Variants in MYO1B observed in about 807,000 individuals in gnomAD.
The protein encoded by MYO1B is myosin IB.
A neutral mutation model predicts 159.7 loss-of-function variants in MYO1B; 72 were observed. The observed-to-expected ratio is 0.45, with a 90% CI of 0.37 to 0.55. The LOEUF is 0.55. Among genes scored for constraint, MYO1B ranks in the 20% least tolerant of loss-of-function variants. MYO1B has a pLI of 0.00. For missense variants in MYO1B, 1,062 were observed against 1,364.8 expected (o/e 0.78, Z 3.50); for synonymous variants, 468 against 473.8 (o/e 0.99, Z 0.16).
chr2:191,258,973 C>T (rs541489505), intron 1 of MYO1B, among the ~76,000 whole-genome samples: 92 of 152,296 alleles, frequency 6.0e-4, no homozygotes, highest in African/African-American at 2.1e-3. Context: ...TTCTGCAACT[C>T]GGATGGAGAA....
chr2:191,378,932 A>G (rs1694880495), intron 13 of MYO1B, among the ~76,000 whole-genome samples: 2 of 152,156 alleles, frequency 1.3e-5, no homozygotes, highest in African/African-American at 2.4e-5. Flanking sequence ...CTTTTTCCTG[A>G]TAATTTATAA....
At chr2:191,386,261 C>A (rs1381345649) in intron 16 of MYO1B, among the ~76,000 whole-genome samples, 177 bp downstream of exon 16, 2 of 152,168 alleles carry the variant, frequency 1.3e-5, no homozygotes, top group African/African-American at 4.8e-5. Context: ...TGACTAAAAT[C>A]TTATTAATAC....
At chr2:191,254,664 C>T (rs181591208) in intron 1 of MYO1B, among the ~76,000 whole-genome samples, 63 of 152,166 alleles carry the variant, frequency 4.1e-4, no homozygotes, top group African/African-American at 1.5e-3. Flanking sequence ...CGCCTCCATG[C>T]CCAACTAATT....
intron 2 of MYO1B, among the ~76,000 whole-genome samples, chr2:191,289,498 C>CAGCT (rs1339656363): frequency 4.6e-5 from 7 of 152,146 alleles, no homozygotes; most frequent in African/African-American, 1.4e-4. Context: ...TATTCTATGC[C>CAGCT]AGCTGTTCAA....
Position 191,391,944 on chromosome 2 carries a change from T to A in MYO1B, c.1983-164T>A, listed in dbSNP as rs571298627. On this transcript the variant is annotated intron_variant, in intron 18 of 30. Transcript: ENST00000392318. ...CTTTTTCAGTGTTTACTGGATTAAG[T>A]TTAATTTGTGGAAAATTCTTTGATA... 9.8e-5 allele frequency among the ~76,000 whole-genome samples: 15 copies of A among 152,382 alleles called. No individual in the cohort carries two copies. The South Asian group carries it at 2.9e-3, about 29-fold the overall frequency.
intron 3 of MYO1B, among the ~76,000 whole-genome samples, chr2:191,314,760 G>T (rs1690237880): frequency 6.6e-6 from 1 of 152,154 alleles, no homozygotes; most frequent in African/African-American, 2.4e-5. Flanking sequence ...GAAGAAATAT[G>T]AAAATTTTAG....
In MYO1B at chr2:191,257,746, G is replaced by A. The variant is rs140764688; in HGVS notation, c.-10+12120G>A. On this transcript the variant is annotated intron_variant, in intron 1 of 30. Coordinates refer to ENST00000392318, the MANE Select transcript of MYO1B (RefSeq NM_001130158.3). ...AATGTTACCTGCTATCAGCTGAAGA[G>A]CTGTTTACATGAGGAATATTGCTAA... Among the ~76,000 whole-genome samples, 39 of 152,324 alleles carry A rather than the reference G, an allele frequency of 2.6e-4. No individual in the cohort carries two copies. In the East Asian group the frequency reaches 5.6e-3, roughly 22 times the overall value.
At chr2:191,287,830 G>A (rs1340885729) in intron 2 of MYO1B, among the ~76,000 whole-genome samples, 1 of 150,686 alleles carries the variant, frequency 6.6e-6, no homozygotes, top group African/African-American at 2.4e-5. Context: ...GACTGCTTAC[G>A]TGAAGTTCAA....
At chr2:191,283,950 C>T (rs537023023) in intron 2 of MYO1B, among the ~76,000 whole-genome samples, 1 of 152,170 alleles carries the variant, frequency 6.6e-6, no homozygotes, top group East Asian at 1.9e-4. Flanking sequence ...CATGAACCAG[C>T]GTGACATAGA....
intron 2 of MYO1B, among the ~76,000 whole-genome samples, chr2:191,280,516 A>C (rs958862149): frequency 6.6e-6 from 1 of 152,188 alleles, no homozygotes; most frequent in Non-Finnish European, 1.5e-5. Flanking sequence ...CTAGAAGAAG[A>C]GGCAGTGCTG....
intron 26 of MYO1B, among the ~76,000 whole-genome samples, chr2:191,410,703 G>C (rs767445398): frequency 6.6e-5 from 10 of 152,190 alleles, no homozygotes; most frequent in Non-Finnish European, 1.0e-4. Context: ...AATGTGCTTA[G>C]TGGATTGTGA....
intron 7 of MYO1B, among the ~76,000 whole-genome samples, chr2:191,352,069 A>G (rs548852216): frequency 5.9e-5 from 9 of 152,332 alleles, no homozygotes; most frequent in Non-Finnish European, 7.3e-5. Context: ...AAATGATTTC[A>G]TACACAAAAT....
chr2:191,376,271 G>C (rs1482599373), intron 13 of MYO1B, among the ~76,000 whole-genome samples: 1 of 152,074 alleles, frequency 6.6e-6, no homozygotes, highest in Admixed American at 6.5e-5. Flanking sequence ...ATATTAAATG[G>C]TTTTCTCATA....
chr2:191,375,847 T>C (rs2126055657), intron 13 of MYO1B, among the ~76,000 whole-genome samples: 1 of 151,776 alleles, frequency 6.6e-6, no homozygotes, highest in South Asian at 2.1e-4. Context: ...TAGTCCCAGC[T>C]ACTTGGGAGG....
Position 191,245,441 on chromosome 2 carries a change from C to T in MYO1B, c.-195C>T, listed in dbSNP as rs900648049. The stretch of plus-strand genomic sequence containing the variant: ...GCTGGGTGCGCACGGGAGCCTCAAC[C>T]GCGGCGCGTGGAGGCAGTACCAGAG... On this transcript the variant is annotated 5_prime_UTR_variant, in exon 1 of 31. Coordinates refer to ENST00000392318, the MANE Select transcript of MYO1B (RefSeq NM_001130158.3). The T allele has an allele frequency of 6.6e-6, 1 of 152,046 alleles. No homozygotes were observed. Among genetic ancestry groups the T allele is most frequent in the Non-Finnish European group, 1.5e-5 (1 of 68,012 alleles). The allele number at this position is 152,046 out of a possible 1,614,324, so 9.4% of individuals were successfully genotyped here. A position where few individuals can be genotyped will look rare whatever the true frequency, so the allele number is the denominator to read the frequency against.
chr2:191,251,755 T>C (rs1434369007), intron 1 of MYO1B, among the ~76,000 whole-genome samples: 1 of 152,250 alleles, frequency 6.6e-6, no homozygotes, highest in Non-Finnish European at 1.5e-5. Flanking sequence ...TTATTAGTTA[T>C]CGACATTATA....
chr2:191,376,955 G>A (rs1295274651), intron 13 of MYO1B, among the ~76,000 whole-genome samples: 1 of 152,134 alleles, frequency 6.6e-6, no homozygotes, highest in African/African-American at 2.4e-5. Context: ...ATTTATATTG[G>A]AGAGTTTATG....
chr2:191,406,742 A>T (rs181601343), intron 24 of MYO1B, among the ~76,000 whole-genome samples: 8 of 152,228 alleles, frequency 5.3e-5, no homozygotes, highest in Non-Finnish European at 1.2e-4. Context: ...GAATGAGCAC[A>T]TGCTGTTGGA....
chr2:191,259,628 T>C (rs73058624), intron 1 of MYO1B, among the ~76,000 whole-genome samples: 1,653 of 152,340 alleles, frequency 0.011, 36 homozygotes, highest in African/African-American at 0.038. Flanking sequence ...AGCCTTTTTG[T>C]ACCTATAACC....
Sources: allele counts gnomAD v4.1 joint callset (sites outside exome capture counted in the v4.1 genomes callset), GRCh38; gene constraint gnomAD v4.1.1; transcripts MANE v1.5; gene names NCBI Gene and HGNC (gene_info 2026-07-23, HGNC 2026-07-21).